Variants in SEPTIN7 observed in about 807,000 individuals in gnomAD.
SEPTIN7 encodes the protein septin 7.
A neutral mutation model predicts 63.3 loss-of-function variants in SEPTIN7; 10 were observed. The ratio of observed to expected loss-of-function variants is 0.16; its 90% CI spans 0.10 to 0.27. The LOEUF (loss-of-function observed/expected upper bound fraction) is 0.27, where lower values mean the gene tolerates loss of function less well. Ranked by LOEUF, SEPTIN7 falls within the 10% of genes least tolerant of loss-of-function variation. The pLI, the probability that SEPTIN7 is intolerant of heterozygous loss-of-function variation, is 1.00. For missense variants in SEPTIN7, 310 were observed against 521.0 expected (o/e 0.59, Z 3.94); for synonymous variants, 131 against 165.3 (o/e 0.79, Z 1.59).
chr7:35,909,417 G>A (rs1380068475), downstream of SEPTIN7, among the ~76,000 whole-genome samples: 1 of 152,166 alleles, frequency 6.6e-6, no homozygotes, highest in African/African-American at 2.4e-5. Flanking sequence ...TCCACTTTCT[G>A]TAGTCTCCAT....
rs772496083 is a variant in SEPTIN7, at chr7:35,801,170, G to A, written c.-40G>A. ...GTAGGCGCCTTTGGAGAATCGGCGG[G>A]CTGCGCTCCGCTGGGGCTGGTCGCG... On this transcript the variant is annotated 5_prime_UTR_variant, in exon 1 of 14. Coordinates refer to ENST00000350320, the MANE Select transcript of SEPTIN7 (RefSeq NM_001788.6). 1.8e-5 allele frequency: 26 copies of A among 1,459,764 alleles called. No individual in the cohort carries two copies. Among genetic ancestry groups the A allele is most frequent in the Admixed American group, 2.7e-5 (1 of 37,470 alleles). The allele number at this position is 1,459,764 out of a possible 1,614,324, so 90.4% of individuals were successfully genotyped here. A position where few individuals can be genotyped will look rare whatever the true frequency, so the allele number is the denominator to read the frequency against.
chr7:35,890,562 C>G, intron 10 of SEPTIN7, 106 bp from the exon 11 acceptor site: 2 of 980,576 alleles, frequency 2.0e-6, no homozygotes, highest in Non-Finnish European at 2.7e-6. Context: ...CATTTTAAAT[C>G]TGAAATTTTT....
chr7:35,832,771 T>G (rs1356686498), intron 2 of SEPTIN7, 27 bp from the exon 3 acceptor site: 1 of 1,250,040 alleles, frequency 8.0e-7, no homozygotes, highest in Admixed American at 1.7e-5. Flanking sequence ...GATACATGAA[T>G]AACTTGGCCC....
intron 1 of SEPTIN7, among the ~76,000 whole-genome samples, chr7:35,810,697 T>C (rs1788644969): frequency 6.6e-6 from 1 of 152,140 alleles, no homozygotes; most frequent in African/African-American, 2.4e-5. Context: ...GTTATGCTAG[T>C]GTTTCTTTGC....
intron 12 of SEPTIN7, chr7:35,902,222 T>A (rs1407816680): frequency 6.6e-6 from 1 of 152,002 alleles, no homozygotes; most frequent in Non-Finnish European, 1.5e-5. Flanking sequence ...TGACTTTTTT[T>A]TTTTTCAGAA....
chr7:35,875,940 T>A (rs1042394343), intron 6 of SEPTIN7, among the ~76,000 whole-genome samples: 1 of 152,120 alleles, frequency 6.6e-6, no homozygotes, highest in African/African-American at 2.4e-5. Context: ...AAACTAAATT[T>A]GTTGATGAAA....
intron 3 of SEPTIN7, among the ~76,000 whole-genome samples, chr7:35,863,152 A>G (rs190398142): frequency 9.2e-5 from 14 of 152,250 alleles, no homozygotes; most frequent in Admixed American, 1.3e-4. Flanking sequence ...TTATAGTTGC[A>G]TGATTTCTTG....
chr7:35,850,985 A>G (rs1784928608), intron 3 of SEPTIN7, among the ~76,000 whole-genome samples: 1 of 152,164 alleles, frequency 6.6e-6, no homozygotes, highest in Admixed American at 6.5e-5. Context: ...TTTTATTATA[A>G]ATACTGTGGG....
In SEPTIN7 at chr7:35,889,624, A is replaced by G. The variant is rs572093759; in HGVS notation, c.873-1044A>G. On this transcript the variant is annotated intron_variant, in intron 10 of 13. Transcript: ENST00000350320. ...CAATGCGTGATCTTGGCTCACTGCA[A>G]CCTCCACTTCCTGGGTTCAAGCGAT... 2.0e-5 allele frequency among the ~76,000 whole-genome samples: 3 copies of G among 152,114 alleles called. No individual in the cohort carries two copies. In the South Asian group the frequency reaches 6.2e-4, roughly 32 times the overall value.
intron 3 of SEPTIN7, among the ~76,000 whole-genome samples, chr7:35,850,732 G>T (rs945420612): frequency 2.0e-5 from 3 of 152,000 alleles, no homozygotes; most frequent in African/African-American, 7.3e-5. Flanking sequence ...ATTCTGCCTT[G>T]TTTGTACATT....
intron 1 of SEPTIN7, among the ~76,000 whole-genome samples, chr7:35,825,572 T>C (rs1783470047): frequency 6.6e-6 from 1 of 152,174 alleles, no homozygotes; most frequent in South Asian, 2.1e-4. Context: ...TGCTTTCCTG[T>C]ATCAGGGCAT....
chr7:35,812,782 A>G (rs1325416068), intron 1 of SEPTIN7, among the ~76,000 whole-genome samples: 2 of 152,174 alleles, frequency 1.3e-5, no homozygotes, highest in Non-Finnish European at 2.9e-5. Flanking sequence ...TACTATACCT[A>G]AAACATTACT....
intron 1 of SEPTIN7, among the ~76,000 whole-genome samples, chr7:35,810,326 C>CT (rs1201297520): frequency 0.017 from 2,294 of 138,936 alleles, 30 homozygotes; most frequent in African/African-American, 0.035. Context: ...AAAATGTTTC[C>CT]TTTTTTTTTT....
At chr7:35,840,770 A>G (rs1438538849) in intron 3 of SEPTIN7, among the ~76,000 whole-genome samples, 3 of 152,302 alleles carry the variant, frequency 2.0e-5, no homozygotes, top group Non-Finnish European at 1.5e-5. Flanking sequence ...ATAGTAGAGG[A>G]GGAAAACAGT....
intron 12 of SEPTIN7, 118 bp downstream of exon 12, chr7:35,898,501 C>A: frequency 1.6e-6 from 1 of 608,922 alleles, no homozygotes; most frequent in Non-Finnish European, 2.8e-6. Context: ...AATTAATACC[C>A]TAGTGTAACA....
chr7:35,826,672 C>G (rs544898302), intron 1 of SEPTIN7, among the ~76,000 whole-genome samples: 11 of 152,002 alleles, frequency 7.2e-5, no homozygotes, highest in African/African-American at 2.7e-4. Context: ...TTCTCAAATT[C>G]TGATTTTTAT....
At chr7:35,844,361 A>G (rs556244180) in intron 3 of SEPTIN7, among the ~76,000 whole-genome samples, 16 of 152,324 alleles carry the variant, frequency 1.1e-4, no homozygotes, top group African/African-American at 3.6e-4. Context: ...GGAATTTACA[A>G]TTTATTTTGG....
At chr7:35,898,444 C>T (rs1208580968) in intron 12 of SEPTIN7, 61 bp downstream of exon 12, 1 of 1,103,256 alleles carries the variant, frequency 9.1e-7, no homozygotes, top group Non-Finnish European at 1.3e-6. Flanking sequence ...GTAGTATCTT[C>T]AGTAAAATTT....
chr7:35,866,043 C>A (rs1785790977), intron 4 of SEPTIN7, among the ~76,000 whole-genome samples: 1 of 152,140 alleles, frequency 6.6e-6, no homozygotes, highest in Admixed American at 6.5e-5. Flanking sequence ...AAGACAGAAG[C>A]CTGTGCACCA....
Sources: gnomAD v4.1 joint callset for allele counts (sites outside exome capture counted in the v4.1 genomes callset) on GRCh38, gnomAD v4.1.1 for gene constraint, MANE v1.5 for transcripts, NCBI Gene and HGNC (gene_info 2026-07-23, HGNC 2026-07-21) for gene names.